C1QTNF5: variants seen among roughly 807,000 people sequenced by gnomAD.
C1QTNF5 encodes the protein C1q and TNF related 5.
C1QTNF5 carries 5 observed loss-of-function variants against 10.9 expected under a neutral mutation model. That is an observed-to-expected ratio of 0.46 (90% CI 0.24 to 0.97). The LOEUF is 0.97. Ranked by LOEUF, C1QTNF5 falls within the 50% of genes least tolerant of loss-of-function variation. The pLI is 0.19. For missense variants in C1QTNF5, 281 were observed against 339.4 expected, an observed-to-expected ratio of 0.83 and a Z score of 1.35; for synonymous variants, 161 against 156.5, an observed-to-expected ratio of 1.03 and a Z score of -0.22.
At chr11:119,342,134 C>T (rs1031619048), upstream of C1QTNF5, 2 of 965,410 alleles carry the variant, frequency 2.1e-6, no homozygotes, top group African/African-American at 1.6e-5. Flanking sequence ...ACAGGCTGTA[C>T]ACACTCTGAG....
chr11:119,339,956 C>A lies in C1QTNF5; in HGVS notation c.215-108G>T. The A allele has an allele frequency of 7.3e-7, 1 of 1,369,600 alleles. No individual in the cohort carries two copies. Among genetic ancestry groups the A allele is most frequent in the Non-Finnish European group, 9.5e-7 (1 of 1,052,124 alleles). The allele number at this position is 1,369,600 out of a possible 1,614,324, so 84.8% of individuals were successfully genotyped here. A position where few individuals can be genotyped will look rare whatever the true frequency, so the allele number is the denominator to read the frequency against. ...CTCCCCGCCCCTGCCTGAGCTTCGGCCAGCGCCTCCTCCCGCACGGGTACC... is the reference window on the plus strand; with the variant it reads ...CTCCCCGCCCCTGCCTGAGCTTCGGACAGCGCCTCCTCCCGCACGGGTACC... On this transcript the variant is annotated intron_variant, in intron 2 of 2. Transcript: ENST00000528368. This position sits in a 1 kb window ranked among gnomAD's most constrained non-coding sequence, Gnocchi z 5.4.
chr11:119,340,820 C>A lies in C1QTNF5; in HGVS notation c.-169G>T, dbSNP rs550711608. 3.0e-4 allele frequency: 66 copies of A among 220,272 alleles called. 2 individuals are homozygous for A. The South Asian group carries it at 4.3e-3, about 14-fold the overall frequency. The allele number at this position is 220,272 out of a possible 1,614,324, so 13.6% of individuals were successfully genotyped here. A position where few individuals can be genotyped will look rare whatever the true frequency, so the allele number is the denominator to read the frequency against. ...CCCCCTGCCCTGCCGTCACCCCAGT[C>A]CTGGTTCGCTCCCTGCCGGCTCCGC... On this transcript the variant is annotated 5_prime_UTR_variant, in exon 1 of 3. Transcript: ENST00000528368.
At chr11:119,340,148 A>T (rs1292969310) in intron 2 of C1QTNF5, 36 bp downstream of exon 2, 1 of 1,503,520 alleles carries the variant, frequency 6.7e-7, no homozygotes, top group Non-Finnish European at 8.9e-7. Context: ...GCCTGCTCGG[A>T]CATCGCCACC....
At chr11:119,345,382 A>T (rs756977419), upstream of C1QTNF5, 4 of 1,598,204 alleles carry the variant, frequency 2.5e-6, no homozygotes, top group East Asian at 8.9e-5. Context: ...ATAGTGGTTC[A>T]GGACACGGTG....
upstream of C1QTNF5, among the ~76,000 whole-genome samples, chr11:119,343,399 C>T (rs1950523876): frequency 6.6e-6 from 1 of 152,172 alleles, no homozygotes; most frequent in South Asian, 2.1e-4. Flanking sequence ...TGCCTGTGAT[C>T]CCAGCTACTT....
chr11:119,345,856 G>T (rs1252309448), upstream of C1QTNF5: 9 of 1,613,764 alleles, frequency 5.6e-6, no homozygotes, highest in Admixed American at 6.7e-5. Context: ...GGTGGGGGTG[G>T]TGGTGGTCGT....
the C1QTNF5 span, chr11:119,346,009 C>A: frequency 1.1e-5 from 17 of 1,612,790 alleles, no homozygotes; most frequent in South Asian, 1.6e-4. Context: ...GAGTTTCATT[C>A]CAAAGCCCTC....
At chr11:119,341,514 A>T (rs1950502156), upstream of C1QTNF5, 1 of 1,567,010 alleles carries the variant, frequency 6.4e-7, no homozygotes, top group African/African-American at 1.4e-5. Flanking sequence ...GCAAAAGAGG[A>T]CGGGCAGGAA....
upstream of C1QTNF5, chr11:119,345,630 C>G (rs1262303200): frequency 1.2e-6 from 2 of 1,613,604 alleles, no homozygotes; most frequent in Non-Finnish European, 1.7e-6. Context: ...GAGGCCTCCA[C>G]AGGCTGCAGA....
At position 119,339,160 on chromosome 11, in the gene C1QTNF5, G is replaced by T; in HGVS notation, c.*171C>A. The stretch of plus-strand genomic sequence containing the variant: ...CTGCCCCATGCTGCCAGACCTGATC[G>T]CAGACAGCCACTGTTCCCATTCCTT... On this transcript the variant is annotated 3_prime_UTR_variant, in exon 3 of 3. Transcript: ENST00000528368. The surrounding 1 kb of genome is among the most constrained non-coding windows in gnomAD (Gnocchi z 5.4). 1 of 716,420 alleles carries T rather than the reference G, an allele frequency of 1.4e-6. No homozygotes were observed. The highest frequency in any genetic ancestry group is 2.3e-6 in the Non-Finnish European group (1 of 443,864). 44.4% of individuals were successfully genotyped at this position (716,420 alleles called of 1,614,324 possible). A position where few individuals can be genotyped will look rare whatever the true frequency, so the allele number is the denominator to read the frequency against.
Position 119,340,415 on chromosome 11 carries a change from C to T in C1QTNF5, c.-18G>A. On this transcript the variant is annotated 5_prime_UTR_variant, in exon 2 of 3. Coordinates refer to ENST00000528368, the MANE Select transcript of C1QTNF5 (RefSeq NM_001278431.2). ...GGCCTCATAGCGCTGGCACCGGGAGCCCGGACGCCGGGGTCCTCTCGCAGT... is the reference window on the plus strand; with the variant it reads ...GGCCTCATAGCGCTGGCACCGGGAGTCCGGACGCCGGGGTCCTCTCGCAGT... The T allele has an allele frequency of 1.9e-6, 3 of 1,542,008 alleles. No individual in the cohort carries two copies. Among genetic ancestry groups the T allele is most frequent in the Non-Finnish European group, 2.6e-6 (3 of 1,145,692 alleles).
Position 119,339,162 on chromosome 11 carries a change from A to C in C1QTNF5, c.*169T>G, listed in dbSNP as rs1381251736. On this transcript the variant is annotated 3_prime_UTR_variant, in exon 3 of 3. Coordinates refer to ENST00000528368, the MANE Select transcript of C1QTNF5 (RefSeq NM_001278431.2). The surrounding 1 kb of genome is among the most constrained non-coding windows in gnomAD (Gnocchi z 5.4). Reference sequence around the variant, plus strand: ...GCCCCATGCTGCCAGACCTGATCGCAGACAGCCACTGTTCCCATTCCTTGC... The same window carrying C: ...GCCCCATGCTGCCAGACCTGATCGCCGACAGCCACTGTTCCCATTCCTTGC... The C allele has an allele frequency of 2.7e-6, 2 of 728,884 alleles. No individual in the cohort carries two copies. The highest frequency in any genetic ancestry group is 2.9e-5 in the Admixed American group (1 of 34,220). 45.2% of individuals were successfully genotyped at this position (728,884 alleles called of 1,614,324 possible).
At chr11:119,345,858 G>A (rs140825822), upstream of C1QTNF5, 9 of 1,613,754 alleles carry the variant, frequency 5.6e-6, no homozygotes, top group African/African-American at 1.3e-5. Flanking sequence ...TGGGGGTGGT[G>A]GTGGTCGTGG....
Position 119,339,245 on chromosome 11 carries a change from G to C in C1QTNF5, c.*86C>G. ...TCCCTAGTCATTCACAATATTCCAG[G>C]GGGGCCAGCCCTCCTGGATGACCTG... On this transcript the variant is annotated 3_prime_UTR_variant, in exon 3 of 3. Transcript: ENST00000528368. This position sits in a 1 kb window ranked among gnomAD's most constrained non-coding sequence, Gnocchi z 5.4. The C allele has an allele frequency of 2.7e-6, 4 of 1,468,836 alleles. No homozygotes were observed. Among genetic ancestry groups the C allele is most frequent in the Non-Finnish European group, 3.7e-6 (4 of 1,078,936 alleles). 91.0% of individuals were successfully genotyped at this position (1,468,836 alleles called of 1,614,324 possible).
At chr11:119,346,192 C>T in the C1QTNF5 span, 2 of 1,569,364 alleles carry the variant, frequency 1.3e-6, no homozygotes, top group Non-Finnish European at 8.7e-7. Context: ...TTGAAAGCCC[C>T]TTCTGTTGGG....
chr11:119,343,657 A>G (rs1950526341), upstream of C1QTNF5, among the ~76,000 whole-genome samples: 1 of 152,036 alleles, frequency 6.6e-6, no homozygotes. Context: ...GAAGGTTTTG[A>G]GGTGAGAGCT....
upstream of C1QTNF5, among the ~76,000 whole-genome samples, chr11:119,343,204 C>G (rs140856238): frequency 2.4e-3 from 359 of 152,320 alleles, 3 homozygotes; most frequent in Middle Eastern, 0.014. Flanking sequence ...CGAGCCACTT[C>G]TAGATGGGGA....
upstream of C1QTNF5, chr11:119,343,857 C>T (rs765386332): frequency 2.5e-6 from 4 of 1,613,862 alleles, no homozygotes; most frequent in South Asian, 3.3e-5. Context: ...TGGTCTCATA[C>T]ACCTCCACGT....
At chr11:119,345,623 G>C (rs375311255), upstream of C1QTNF5, 65 of 1,613,522 alleles carry the variant, frequency 4.0e-5, no homozygotes, top group Non-Finnish European at 5.4e-5. Flanking sequence ...CAGAGAGGAG[G>C]CCTCCACAGG....
Sources: gnomAD v4.1 joint callset for allele counts (sites outside exome capture counted in the v4.1 genomes callset) on GRCh38, gnomAD v4.1.1 for gene constraint, Gnocchi (gnomAD v3.1) non-coding constraint, MANE v1.5 for transcripts, NCBI Gene and HGNC (gene_info 2026-07-23, HGNC 2026-07-21) for gene names.